The following GPRIN3 variants were observed in gnomAD, a reference collection of about 807,000 sequenced individuals.
The protein encoded by GPRIN3 is GPRIN family member 3.
Under a neutral mutation model 13.7 loss-of-function variants are expected in GPRIN3, and 12 were observed. The ratio of observed to expected loss-of-function variants is 0.87; its 90% confidence interval spans 0.56 to 1.42. GPRIN3 has a LOEUF of 1.42. GPRIN3 is among the 40% of genes most tolerant of loss of function. The pLI, the probability that GPRIN3 is intolerant of heterozygous loss-of-function variation, is 0.00. For synonymous variants in GPRIN3, 377 were observed against 372.7 expected, an observed-to-expected ratio of 1.01 and a Z score of -0.13; for missense variants, 1,009 against 958.7, an observed-to-expected ratio of 1.05 and a Z score of -0.69.
rs184381299 is a variant in GPRIN3 at position 89,256,942 on chromosome 4, C to T, written c.-123-6709G>A. On this transcript the variant is annotated intron_variant, in intron 1 of 1. Coordinates refer to ENST00000609438, the MANE Select transcript of GPRIN3 (RefSeq NM_198281.3). ...ATTTGCATTCTGAACCCAGCAGATT[C>T]TGCCAGTGCAGAGTTTGAAGGAGAA... Among the ~76,000 whole-genome samples, 6 of 152,328 alleles carry T rather than the reference C, an allele frequency of 3.9e-5. No individual in the cohort carries two copies. The East Asian group carries it at 9.7e-4, about 25-fold the overall frequency.
At chr4:89,256,244 C>T (rs1423518655) in intron 1 of GPRIN3, among the ~76,000 whole-genome samples, 2 of 151,986 alleles carry the variant, frequency 1.3e-5, no homozygotes, top group African/African-American at 4.8e-5. Context: ...ATATATATCT[C>T]CCTAGAGGAG....
intron 1 of GPRIN3, among the ~76,000 whole-genome samples, chr4:89,292,124 C>A (rs1224903663): frequency 2.0e-5 from 3 of 152,058 alleles, no homozygotes; most frequent in African/African-American, 7.2e-5. Flanking sequence ...TCTATGTGAT[C>A]AGATTAGATT....
intron 1 of GPRIN3, among the ~76,000 whole-genome samples, chr4:89,260,990 G>C (rs1723606018): frequency 6.6e-6 from 1 of 152,134 alleles, no homozygotes. Context: ...CAGAATTAAA[G>C]TGTTGTAAAA....
Position 89,307,641 on chromosome 4 carries a change from CG to C in GPRIN3, c.-151del, listed in dbSNP as rs1416658860. 3 of 152,182 alleles carry C rather than the reference CG, an allele frequency of 2.0e-5. No homozygotes were observed. Among genetic ancestry groups the C allele is most frequent in the Non-Finnish European group, 4.4e-5 (3 of 68,076 alleles). The allele number at this position is 152,182 out of a possible 1,614,324, so 9.4% of individuals were successfully genotyped here. The stretch of plus-strand genomic sequence containing the variant: ...TGCTCTGCCCGGCTCCGCGGCGCGG[CG>C]GGGCCACTGCCTGCGCTGTGGCGGG... On this transcript the variant is annotated 5_prime_UTR_variant, in exon 1 of 2. The change abolishes the stop of an existing upstream ORF in the 5' untranslated region. Coordinates refer to ENST00000609438, the MANE Select transcript of GPRIN3 (RefSeq NM_198281.3).
At position 89,265,741 on chromosome 4, in the gene GPRIN3, C is replaced by T. The variant is rs73846108; in HGVS notation, c.-123-15508G>A. Among the ~76,000 whole-genome samples, 1,236 of 152,312 alleles carry T rather than the reference C, an allele frequency of 8.1e-3. 22 individuals are homozygous for T. The highest frequency in any genetic ancestry group is 0.028 in the African/African-American group (1,163 of 41,568). On this transcript the variant is annotated intron_variant, in intron 1 of 1. Coordinates refer to ENST00000609438, the MANE Select transcript of GPRIN3 (RefSeq NM_198281.3). ...TTCTTCCTTCCTTCCACCCTTCCTT[C>T]CTTCCTTTTCTCCTTTCTTCCCTTG... is the stretch of plus-strand genomic sequence containing the variant.
At chr4:89,267,692 T>C (rs1723818477) in intron 1 of GPRIN3, among the ~76,000 whole-genome samples, 1 of 152,220 alleles carries the variant, frequency 6.6e-6, no homozygotes, top group Admixed American at 6.5e-5. Context: ...TACTTCTGAA[T>C]TTAGGATCTA....
At chr4:89,302,712 C>T (rs1451481109) in intron 1 of GPRIN3, among the ~76,000 whole-genome samples, 1 of 152,114 alleles carries the variant, frequency 6.6e-6, no homozygotes, top group African/African-American at 2.4e-5. Context: ...TACATTTTCT[C>T]CCTGAAATTC....
intron 1 of GPRIN3, among the ~76,000 whole-genome samples, chr4:89,252,788 C>A (rs1723363155): frequency 6.6e-6 from 1 of 152,098 alleles, no homozygotes; most frequent in African/African-American, 2.4e-5. Context: ...CTGTAGGTTT[C>A]TATTCTATTT....
chr4:89,247,858 A>G lies in GPRIN3; in HGVS notation c.2253T>C (p.Ser751=), dbSNP rs753422199. ...AGTTCTGCAGCATGGACTGGAAAACACTGTGCTGCCTTCCTCTGAGCTTCT... is the reference window on the plus strand; with the variant it reads ...AGTTCTGCAGCATGGACTGGAAAACGCTGTGCTGCCTTCCTCTGAGCTTCT... ...SNKKLRGRQH[S]VFQSMLQNFR... The change falls in exon 2 of 2, where the codon AGT becomes AGC. Residue 751 remains serine, a synonymous_variant. Transcript: ENST00000609438. 1.2e-6 allele frequency: 2 copies of G among 1,614,150 alleles called. No homozygotes were observed. Among genetic ancestry groups the G allele is most frequent in the East Asian group, 2.2e-5 (1 of 44,884 alleles).
Position 89,243,458 on chromosome 4 carries a change from G to A in GPRIN3, c.*4322C>T, listed in dbSNP as rs572231910. 5.3e-5 allele frequency: 8 copies of A among 152,244 alleles called. No individual in the cohort carries two copies. The East Asian group carries it at 5.8e-4, about 11-fold the overall frequency. 9.4% of individuals were successfully genotyped at this position (152,244 alleles called of 1,614,324 possible). ...GAGAGAATCAACCAAAAAGGGCCAC[G>A]CACAACATCAGGAAGCATTGCTAAC... On this transcript the variant is annotated 3_prime_UTR_variant, in exon 2 of 2. Coordinates refer to ENST00000609438, the MANE Select transcript of GPRIN3 (RefSeq NM_198281.3).
chr4:89,303,972 A>G (rs1724970904), intron 1 of GPRIN3, among the ~76,000 whole-genome samples: 1 of 152,142 alleles, frequency 6.6e-6, no homozygotes, highest in South Asian at 2.1e-4. Context: ...CTTCTTTTCT[A>G]AATGATTCTT....
rs1475084154 is a variant in GPRIN3 at position 89,307,620 on chromosome 4, C to A, written c.-129G>T. 1 of 152,232 alleles carries A rather than the reference C, an allele frequency of 6.6e-6. No individual in the cohort carries two copies. The highest frequency in any genetic ancestry group is 1.5e-5 in the Non-Finnish European group (1 of 68,122). 9.4% of individuals were successfully genotyped at this position (152,232 alleles called of 1,614,324 possible). ...GCGCAGGGGGCGTCTCCTACCTGCT[C>A]TGCCCGGCTCCGCGGCGCGGCGGGG... On this transcript the variant is annotated 5_prime_UTR_variant, in exon 1 of 2. Transcript: ENST00000609438.
At chr4:89,273,651 A>C (rs1724019306) in intron 1 of GPRIN3, among the ~76,000 whole-genome samples, 1 of 152,250 alleles carries the variant, frequency 6.6e-6, no homozygotes, top group African/African-American at 2.4e-5. Flanking sequence ...AGGCCACTGC[A>C]CTCCAGCTTG....
intron 1 of GPRIN3, among the ~76,000 whole-genome samples, chr4:89,290,452 G>A (rs1578110213): frequency 6.6e-6 from 1 of 152,206 alleles, no homozygotes; most frequent in African/African-American, 2.4e-5. Flanking sequence ...ATGGAAAAAA[G>A]TGGGTGAATA....
chr4:89,271,618 G>T (rs1723953721), intron 1 of GPRIN3, among the ~76,000 whole-genome samples: 1 of 151,932 alleles, frequency 6.6e-6, no homozygotes, highest in Non-Finnish European at 1.5e-5. Flanking sequence ...TTTTCTTGAG[G>T]AATATTTTTG....
chr4:89,248,070 C>T lies in GPRIN3; in HGVS notation c.2041G>A (p.Val681Ile), dbSNP rs1159499136. 1.2e-6 allele frequency: 2 copies of T among 1,614,098 alleles called. No individual in the cohort carries two copies. The highest frequency in any genetic ancestry group is 1.7e-6 in the Non-Finnish European group (2 of 1,179,938). Residue 681 changes from valine (V) to isoleucine (I), a missense_variant, in exon 2 of 2, where the codon GTC becomes ATC. By Grantham distance (29) the Val-to-Ile change is conservative. Coordinates refer to ENST00000609438, the MANE Select transcript of GPRIN3 (RefSeq NM_198281.3). ...TGCTCATCCCACACGACGTCCCTGACACGCTTGGACTGTTTCAGCTGGAGC... is the reference window on the plus strand; with the variant it reads ...TGCTCATCCCACACGACGTCCCTGATACGCTTGGACTGTTTCAGCTGGAGC... ...SKLQLKQSKRVRDVVWDEQGM... is the reference protein window; with the variant it reads ...SKLQLKQSKRIRDVVWDEQGM...
chr4:89,248,588 T>G lies in GPRIN3; in HGVS notation c.1523A>C (p.Asp508Ala), dbSNP rs761982517. The change falls in exon 2 of 2, where the codon GAT becomes GCT. Residue 508 changes from aspartate (D) to alanine (A), a missense_variant. Physicochemically the swap from Asp to Ala is moderately radical, Grantham distance 126 (BLOSUM62 -2). Coordinates refer to ENST00000609438, the MANE Select transcript of GPRIN3 (RefSeq NM_198281.3). ...GCCACAAGAGTCAGATAGTTTGCAA[T>G]CTGGGTCTGTTTTGTGGCCGTTTGT... ...KTTNGHKTDPDCKLSDSCGSI... is the reference protein window; with the variant it reads ...KTTNGHKTDPACKLSDSCGSI... The G allele has an allele frequency of 1.9e-6, 3 of 1,613,562 alleles. No individual in the cohort carries two copies. The South Asian group carries it at 3.3e-5, about 18-fold the overall frequency.
At position 89,248,606 on chromosome 4, in the gene GPRIN3, C is replaced by T. The variant is rs1369713836; in HGVS notation, c.1505G>A (p.Gly502Asp). 6 of 1,613,874 alleles carry T rather than the reference C, an allele frequency of 3.7e-6. No homozygotes were observed. Among genetic ancestry groups the T allele is most frequent in the Non-Finnish European group, 5.1e-6 (6 of 1,179,886 alleles). ...TTTGCAATCTGGGTCTGTTTTGTGGCCGTTTGTCGTTTTCTCTGCAAACTC... is the reference window on the plus strand; with the variant it reads ...TTTGCAATCTGGGTCTGTTTTGTGGTCGTTTGTCGTTTTCTCTGCAAACTC... ...PSEFAEKTTN[G>D]HKTDPDCKLS... is the part of the protein sequence containing the mutation. Residue 502 changes from glycine (G) to aspartate (D), a missense_variant, in exon 2 of 2, where the codon GGC becomes GAC. Coordinates refer to ENST00000609438, the MANE Select transcript of GPRIN3 (RefSeq NM_198281.3).
chr4:89,289,202 T>A lies in GPRIN3; in HGVS notation c.-124+18413A>T, dbSNP rs1207823217. On this transcript the variant is annotated intron_variant, in intron 1 of 1. Coordinates refer to ENST00000609438, the MANE Select transcript of GPRIN3 (RefSeq NM_198281.3). ...ATTGCTTTCAAGCCAGGCATCTCCC[T>A]TTCCTCATGTGCCTGGTCGTCTTCT... Among the ~76,000 whole-genome samples the A allele has an allele frequency of 2.0e-5, 3 of 151,042 alleles. No individual in the cohort carries two copies. In the Admixed American group the frequency reaches 2.0e-4, roughly 10 times the overall value.
Sources: allele counts gnomAD v4.1 joint callset (sites outside exome capture counted in the v4.1 genomes callset), GRCh38; gene constraint gnomAD v4.1.1; transcripts MANE v1.5; gene names NCBI Gene and HGNC (gene_info 2026-07-23, HGNC 2026-07-21).